NEK7: variants seen among roughly 807,000 people sequenced by gnomAD.
The protein encoded by NEK7 is serine/threonine-protein kinase Nek7.
In NEK7, 18 loss-of-function variants were observed where a neutral mutation model predicts 44.6. The observed-to-expected ratio is 0.40, with a 90% CI of 0.28 to 0.60. The LOEUF is 0.60. NEK7 is among the 20% of genes least tolerant of loss of function. NEK7 has a pLI of 0.38. For missense variants in NEK7, 256 were observed against 366.5 expected, an observed-to-expected ratio of 0.70 and a Z score of 2.46; for synonymous variants, 130 against 121.1, an observed-to-expected ratio of 1.07 and a Z score of -0.48.
At position 198,252,546 on chromosome 1, in the gene NEK7, ATATATATATATATATATATAT is replaced by A. The variant is rs1558079145; in HGVS notation, c.58-493_58-473del. Among the ~76,000 whole-genome samples the A allele has an allele frequency of 2.7e-3, 160 of 58,914 alleles. 5 individuals are homozygous for A. Among genetic ancestry groups the A allele is most frequent in the African/African-American group, 0.02 (140 of 7,094 alleles). 38.6% of individuals were successfully genotyped at this position (58,914 alleles called of 152,430 possible). A position where few individuals can be genotyped will look rare whatever the true frequency, so the allele number is the denominator to read the frequency against. The stretch of plus-strand genomic sequence containing the variant: ...TCACATACTATATATATATATATAT[ATATATATATATATATATATAT>A]AAAAAGTACATATATACACATATAT... On this transcript the variant is annotated intron_variant, in intron 2 of 9. Coordinates refer to ENST00000367385, the MANE Select transcript of NEK7 (RefSeq NM_133494.3).
chr1:198,289,887 A>G (rs929618999), intron 7 of NEK7, among the ~76,000 whole-genome samples: 3 of 152,170 alleles, frequency 2.0e-5, no homozygotes, highest in African/African-American at 4.8e-5. Flanking sequence ...AGTATATACC[A>G]TATAAAACTT....
At position 198,319,420 on chromosome 1, in the gene NEK7, G is replaced by T; in HGVS notation, c.807G>T (p.Gln269His). The T allele has an allele frequency of 6.2e-7, 1 of 1,609,518 alleles. No homozygotes were observed. The highest frequency in any genetic ancestry group is 8.5e-7 in the Non-Finnish European group (1 of 1,177,624). ...PSDHYSEELR[Q>H]LVNMCINPDP... ...TTTTTCTTTCTTCACAGCTCCGACA[G>T]TTAGTTAATATGTGCATCAACCCAG... is the stretch of plus-strand genomic sequence containing the variant. Residue 269 changes from glutamine to histidine, a missense_variant, in exon 10 of 10, where the codon CAG becomes CAT. Gln to His is a conservative substitution (Grantham distance 24). Transcript: ENST00000367385.
chr1:198,218,950 A>G (rs192063278), intron 1 of NEK7, among the ~76,000 whole-genome samples: 84 of 152,136 alleles, frequency 5.5e-4, no homozygotes, highest in African/African-American at 1.9e-3. Flanking sequence ...ACACTTACAC[A>G]CTGCTGGTGG....
chr1:198,283,138 G>A (rs1307018351), intron 7 of NEK7, among the ~76,000 whole-genome samples: 1 of 152,156 alleles, frequency 6.6e-6, no homozygotes, highest in Non-Finnish European at 1.5e-5. Context: ...GGAACTGAGT[G>A]AAGAAAAGAC....
At chr1:198,170,056 C>T (rs949919974) in intron 1 of NEK7, among the ~76,000 whole-genome samples, 1 of 151,974 alleles carries the variant, frequency 6.6e-6, no homozygotes, top group African/African-American at 2.4e-5. Flanking sequence ...ATGCCAGGCA[C>T]ACGTCTCTGC....
At chr1:198,290,949 G>A (rs949913236) in intron 7 of NEK7, among the ~76,000 whole-genome samples, 1 of 152,120 alleles carries the variant, frequency 6.6e-6, no homozygotes, top group Non-Finnish European at 1.5e-5. Context: ...TTTAAGTTTA[G>A]CTTAGTAGAA....
chr1:198,272,144 A>G (rs1653872830), intron 5 of NEK7, among the ~76,000 whole-genome samples: 1 of 151,676 alleles, frequency 6.6e-6, no homozygotes, highest in East Asian at 1.9e-4. Flanking sequence ...TATAGAACTT[A>G]GAGATTTTAG....
intron 3 of NEK7, among the ~76,000 whole-genome samples, chr1:198,259,853 G>T (rs938176314): frequency 1.3e-5 from 2 of 151,866 alleles, no homozygotes; most frequent in African/African-American, 4.8e-5. Context: ...AGGGCATTAC[G>T]CATTCCTGCT....
chr1:198,243,116 A>T (rs1666736031), intron 2 of NEK7, among the ~76,000 whole-genome samples: 1 of 152,074 alleles, frequency 6.6e-6, no homozygotes, highest in Admixed American at 6.5e-5. Context: ...TTTCTCTGCT[A>T]TGGCTTCTTT....
chr1:198,315,263 C>T (rs1050161180), intron 9 of NEK7, among the ~76,000 whole-genome samples: 34 of 152,180 alleles, frequency 2.2e-4, no homozygotes, highest in African/African-American at 8.0e-4. Flanking sequence ...TTGCGCTTCC[C>T]GAGTGAGGCA....
intron 1 of NEK7, among the ~76,000 whole-genome samples, chr1:198,214,021 G>A (rs1017352707): frequency 2.0e-5 from 3 of 152,162 alleles, no homozygotes; most frequent in Middle Eastern, 3.4e-3. Context: ...TCATATACCC[G>A]GCACATTGCT....
chr1:198,306,037 C>T (rs1033788624), intron 9 of NEK7, among the ~76,000 whole-genome samples: 1 of 152,138 alleles, frequency 6.6e-6, no homozygotes, highest in African/African-American at 2.4e-5. Context: ...GGTTCAAATC[C>T]AGGCTTTGCC....
intron 7 of NEK7, among the ~76,000 whole-genome samples, chr1:198,289,296 C>T (rs1402102705): frequency 6.6e-6 from 1 of 152,060 alleles, no homozygotes; most frequent in Non-Finnish European, 1.5e-5. Flanking sequence ...AAACTCAGTT[C>T]GTTTGTTTGT....
chr1:198,255,916 C>T (rs1653247034), intron 3 of NEK7, among the ~76,000 whole-genome samples: 1 of 151,922 alleles, frequency 6.6e-6, no homozygotes, highest in African/African-American at 2.4e-5. Context: ...ACAGGAAAAC[C>T]CATGGTTCTT....
intron 1 of NEK7, among the ~76,000 whole-genome samples, chr1:198,182,523 T>C (rs1664795693): frequency 6.6e-6 from 1 of 152,172 alleles, no homozygotes; most frequent in Non-Finnish European, 1.5e-5. Flanking sequence ...CTGGTTTGTA[T>C]TCTTGCTGCC....
intron 8 of NEK7, among the ~76,000 whole-genome samples, chr1:198,293,321 A>G (rs1654615214): frequency 6.6e-6 from 1 of 151,926 alleles, no homozygotes; most frequent in Admixed American, 6.6e-5. Context: ...TGCATTTGTA[A>G]AAATATACGT....
intron 1 of NEK7, among the ~76,000 whole-genome samples, chr1:198,215,208 A>T (rs957989912): frequency 6.6e-6 from 1 of 152,234 alleles, no homozygotes; most frequent in Non-Finnish European, 1.5e-5. Context: ...GTTGATATGC[A>T]TGAGAATGGA....
chr1:198,173,280 T>G (rs1456441706), intron 1 of NEK7, among the ~76,000 whole-genome samples: 1 of 151,940 alleles, frequency 6.6e-6, no homozygotes, highest in Non-Finnish European at 1.5e-5. Flanking sequence ...AATTAAAAAA[T>G]TAGCTAGGTG....
intron 1 of NEK7, among the ~76,000 whole-genome samples, chr1:198,187,413 C>T (rs1315014178): frequency 6.6e-6 from 1 of 152,142 alleles, no homozygotes; most frequent in Non-Finnish European, 1.5e-5. Context: ...CTTCCAAAGC[C>T]ATTGCCAAGG....
Sources: allele counts gnomAD v4.1 joint callset (sites outside exome capture counted in the v4.1 genomes callset), GRCh38; gene constraint gnomAD v4.1.1; transcripts MANE v1.5; gene names NCBI Gene and HGNC (gene_info 2026-07-23, HGNC 2026-07-21).